Variants in TMBIM6 observed in about 807,000 individuals in gnomAD.
TMBIM6 encodes transmembrane BAX inhibitor motif containing 6.
TMBIM6 carries 13 observed loss-of-function variants against 31.4 expected under a neutral mutation model. The observed-to-expected ratio is 0.41, with a 90% confidence interval of 0.27 to 0.66. The LOEUF (loss-of-function observed/expected upper bound fraction) is 0.66. Ranked by LOEUF, TMBIM6 falls within the 30% of genes least tolerant of loss-of-function variation. TMBIM6 has a pLI of 0.28. For missense variants in TMBIM6, 275 were observed against 289.5 expected (o/e 0.95, Z 0.36); for synonymous variants, 85 against 101.7 (o/e 0.84, Z 0.99).
intron 1 of TMBIM6, among the ~76,000 whole-genome samples, chr12:49,747,934 C>T (rs1945425963): frequency 6.6e-6 from 1 of 152,094 alleles, no homozygotes; most frequent in Non-Finnish European, 1.5e-5. Context: ...CACGTAGTCT[C>T]GCACTGTCAC....
rs1945781326 is a variant in TMBIM6, at chr12:49,764,630, A to G, written c.*1734A>G. 6.7e-6 allele frequency: 1 copy of G among 148,438 alleles called. No individual in the cohort carries two copies. The highest frequency in any genetic ancestry group is 1.5e-5 in the Non-Finnish European group (1 of 67,844). 9.2% of individuals were successfully genotyped at this position (148,438 alleles called of 1,614,324 possible). A position where few individuals can be genotyped will look rare whatever the true frequency, so the allele number is the denominator to read the frequency against. On this transcript the variant is annotated 3_prime_UTR_variant, in exon 10 of 10. Coordinates refer to ENST00000267115, the MANE Select transcript of TMBIM6 (RefSeq NM_003217.3). ...AAGATTTTGAGTTAACATCTCTTGA[A>G]GCCAAACTCCACCTTCTGTGCTTTT...
At chr12:49,761,279 C>T (rs933992594) in intron 8 of TMBIM6, among the ~76,000 whole-genome samples, 1 of 152,068 alleles carries the variant, frequency 6.6e-6, no homozygotes, top group African/African-American at 2.4e-5. Context: ...GTGGCACTGT[C>T]ATGGCTTACT....
chr12:49,760,687 C>A (rs560955913), intron 8 of TMBIM6, among the ~76,000 whole-genome samples: 74 of 152,166 alleles, frequency 4.9e-4, no homozygotes, highest in African/African-American at 1.7e-3. Context: ...CAGGCACTCT[C>A]CACCACGTCC....
At chr12:49,752,646 A>C in intron 2 of TMBIM6, 97 bp downstream of exon 2, 1 of 1,060,276 alleles carries the variant, frequency 9.4e-7, no homozygotes, top group Non-Finnish European at 1.4e-6. Flanking sequence ...ATAAGCTAAC[A>C]AATTAACTTG....
chr12:49,758,961 T>G, intron 7 of TMBIM6, 199 bp downstream of exon 7: 1 of 641,460 alleles, frequency 1.6e-6, no homozygotes, highest in Non-Finnish European at 2.7e-6. Flanking sequence ...AGAAAATGGT[T>G]TGCTCAGACA....
intron 1 of TMBIM6, chr12:49,742,147 C>T (rs779395174): frequency 1.9e-6 from 3 of 1,612,062 alleles, no homozygotes; most frequent in East Asian, 2.2e-5. Context: ...ATGTCACACT[C>T]CTCTGTGACA....
Position 49,759,245 on chromosome 12 carries a change from G to T in TMBIM6, c.538G>T (p.Val180Phe), listed in dbSNP as rs1025905612. 7 of 1,614,044 alleles carry T rather than the reference G, an allele frequency of 4.3e-6. No individual in the cohort carries two copies. In the Admixed American group the frequency reaches 5.0e-5, roughly 12 times the overall value. ...FQANLYVGLV[V>F]MCGFVLFDTQ... ...GGCAAACCTGTATGTGGGACTGGTG[G>T]TCATGTGTGGCTTCGTCCTTTTTGA... Residue 180 changes from valine (V) to phenylalanine (F), a missense_variant, in exon 8 of 10, where the codon GTC becomes TTC. Coordinates refer to ENST00000267115, the MANE Select transcript of TMBIM6 (RefSeq NM_003217.3).
At chr12:49,753,727 G>C (rs1009019332) in intron 3 of TMBIM6, among the ~76,000 whole-genome samples, 2 of 152,202 alleles carry the variant, frequency 1.3e-5, no homozygotes, top group Non-Finnish European at 2.9e-5. Context: ...CTTATGTTCA[G>C]GCATCTCCTG....
At chr12:49,747,381 T>A (rs9805063) in intron 1 of TMBIM6, among the ~76,000 whole-genome samples, 1 of 152,112 alleles carries the variant, frequency 6.6e-6, no homozygotes, top group Non-Finnish European at 1.5e-5. Flanking sequence ...TGATGATGGC[T>A]CACTGCAGCC....
intron 1 of TMBIM6, among the ~76,000 whole-genome samples, chr12:49,750,281 C>T (rs777657798): frequency 6.6e-6 from 1 of 152,188 alleles, no homozygotes; most frequent in Admixed American, 6.5e-5. Context: ...TTAGAATCCC[C>T]TGGGCGTTTG....
In TMBIM6 at chr12:49,762,980, C is replaced by A; in HGVS notation, c.*84C>A. 1.4e-6 allele frequency: 2 copies of A among 1,405,122 alleles called. No homozygotes were observed. Among genetic ancestry groups the A allele is most frequent in the South Asian group, 1.3e-5 (1 of 75,356 alleles). 87.0% of individuals were successfully genotyped at this position (1,405,122 alleles called of 1,614,324 possible). On this transcript the variant is annotated 3_prime_UTR_variant, in exon 10 of 10. Transcript: ENST00000267115. ...TTGCACACATTACAGGTGGTGTGTTCTGTGATAATGAAAAGCATCAGAAAA... is the reference window on the plus strand; with the variant it reads ...TTGCACACATTACAGGTGGTGTGTTATGTGATAATGAAAAGCATCAGAAAA...
chr12:49,748,888 G>GT (rs930031747), intron 1 of TMBIM6, among the ~76,000 whole-genome samples: 4 of 146,036 alleles, frequency 2.7e-5, no homozygotes, highest in East Asian at 1.9e-4. Context: ...ATTTTAATGT[G>GT]TTTTTTTAAA....
chr12:49,742,885 G>T (rs1157898706), intron 1 of TMBIM6, among the ~76,000 whole-genome samples: 1 of 151,922 alleles, frequency 6.6e-6, no homozygotes, highest in Non-Finnish European at 1.5e-5. Context: ...GGACAGAATA[G>T]TTGAACCCTT....
At chr12:49,754,764 C>G (rs1206964250) in intron 3 of TMBIM6, among the ~76,000 whole-genome samples, 1 of 152,128 alleles carries the variant, frequency 6.6e-6, no homozygotes, top group African/African-American at 2.4e-5. Context: ...AAAAGAAACA[C>G]TTTTTTCTTA....
At chr12:49,749,147 A>C (rs2136936012) in intron 1 of TMBIM6, among the ~76,000 whole-genome samples, 1 of 152,270 alleles carries the variant, frequency 6.6e-6, no homozygotes, top group East Asian at 1.9e-4. Context: ...AAACTTGGTA[A>C]GTTTATTTTA....
chr12:49,752,061 C>G (rs1358126878), intron 1 of TMBIM6, among the ~76,000 whole-genome samples: 1 of 152,108 alleles, frequency 6.6e-6, no homozygotes, highest in African/African-American at 2.4e-5. Flanking sequence ...AGCCACTATG[C>G]CCAGCCAAGG....
chr12:49,757,609 T>C (rs1362016806), intron 4 of TMBIM6, among the ~76,000 whole-genome samples: 1 of 152,168 alleles, frequency 6.6e-6, no homozygotes, highest in Non-Finnish European at 1.5e-5. Context: ...CTAATATACG[T>C]AGGAGAAATT....
At chr12:49,753,129 G>GA (rs1565920028) in intron 3 of TMBIM6, 48 bp downstream of exon 3, 2 of 1,526,158 alleles carry the variant, frequency 1.3e-6, no homozygotes, top group Non-Finnish European at 1.8e-6. Flanking sequence ...ATTACATTAG[G>GA]AAAAAACCAG....
rs1263394148 is a variant in TMBIM6, at chr12:49,764,787, C to T, written c.*1891C>T. On this transcript the variant is annotated 3_prime_UTR_variant, in exon 10 of 10. Coordinates refer to ENST00000267115, the MANE Select transcript of TMBIM6 (RefSeq NM_003217.3). ...CCTAACAGATTTTTAATATAGTTAT[C>T]TCTACCACTTTCTTTTCTAGTTTCT... The T allele has an allele frequency of 6.7e-6, 1 of 150,356 alleles. No individual in the cohort carries two copies. The highest frequency in any genetic ancestry group is 1.5e-5 in the Non-Finnish European group (1 of 67,766). 9.3% of individuals were successfully genotyped at this position (150,356 alleles called of 1,614,324 possible).
Sources: gnomAD v4.1 joint callset for allele counts (sites outside exome capture counted in the v4.1 genomes callset) on GRCh38, gnomAD v4.1.1 for gene constraint, MANE v1.5 for transcripts, NCBI Gene and HGNC (gene_info 2026-07-23, HGNC 2026-07-21) for gene names.